Variants in ITPR2 observed in about 807,000 individuals in gnomAD.
ITPR2 encodes inositol 1,4,5-trisphosphate receptor type 2.
A neutral mutation model predicts 317.1 loss-of-function variants in ITPR2; 207 were observed. The ratio of observed to expected loss-of-function variants is 0.65; its 90% CI spans 0.58 to 0.73. The LOEUF (loss-of-function observed/expected upper bound fraction) is 0.73. Ranked by LOEUF, ITPR2 falls within the 30% of genes least tolerant of loss-of-function variation. The pLI is 0.00. For missense variants in ITPR2, 2,613 were observed against 3,284.0 expected, an observed-to-expected ratio of 0.80 and a Z score of 4.99; for synonymous variants, 1,156 against 1,149.1, an observed-to-expected ratio of 1.01 and a Z score of -0.12.
At chr12:26,684,180 A>T (rs1432390158) in intron 11 of ITPR2, among the ~76,000 whole-genome samples, 1 of 152,212 alleles carries the variant, frequency 6.6e-6, no homozygotes, top group African/African-American at 2.4e-5. Context: ...TACACAGGAG[A>T]TGTAATTTGT....
chr12:26,419,028 T>C (rs1340612228), intron 50 of ITPR2, 21 bp downstream of exon 50: 3 of 1,597,810 alleles, frequency 1.9e-6, no homozygotes, highest in East Asian at 2.2e-5. Context: ...GCAGTGATTG[T>C]CCACATAGAG....
At chr12:26,374,506 A>G (rs899545864) in intron 55 of ITPR2, among the ~76,000 whole-genome samples, 28 of 152,354 alleles carry the variant, frequency 1.8e-4, no homozygotes, top group African/African-American at 6.3e-4. Context: ...GACTTTGAAC[A>G]TTGAATGGTT....
chr12:26,515,995 G>A (rs1009283268), intron 37 of ITPR2, among the ~76,000 whole-genome samples: 1 of 150,700 alleles, frequency 6.6e-6, no homozygotes, highest in African/African-American at 2.4e-5. Flanking sequence ...GTGGTGTCAT[G>A]AGCATGTAAT....
intron 45 of ITPR2, among the ~76,000 whole-genome samples, chr12:26,472,167 G>A (rs1462677649): frequency 1.3e-5 from 2 of 152,166 alleles, no homozygotes; most frequent in African/African-American, 2.4e-5. Flanking sequence ...ATGACTCCTT[G>A]TGTCACTATA....
At chr12:26,564,788 G>C (rs1944904789) in intron 34 of ITPR2, among the ~76,000 whole-genome samples, 1 of 152,232 alleles carries the variant, frequency 6.6e-6, no homozygotes, top group Non-Finnish European at 1.5e-5. Flanking sequence ...CCTTCAGAGA[G>C]AGCATGGTAC....
intron 21 of ITPR2, among the ~76,000 whole-genome samples, chr12:26,639,915 G>A (rs1011849657): frequency 2.7e-4 from 41 of 152,060 alleles, no homozygotes; most frequent in Non-Finnish European, 4.9e-4. Context: ...ACTGTGAATA[G>A]TGCCACAATA....
intron 2 of ITPR2, among the ~76,000 whole-genome samples, chr12:26,783,451 C>T (rs1279779865): frequency 6.6e-6 from 1 of 152,114 alleles, no homozygotes; most frequent in Non-Finnish European, 1.5e-5. Flanking sequence ...TTTTATCACC[C>T]TGATGGTAAG....
intron 37 of ITPR2, among the ~76,000 whole-genome samples, chr12:26,512,571 C>T (rs889994950): frequency 5.9e-5 from 9 of 152,178 alleles, no homozygotes; most frequent in African/African-American, 2.2e-4. Flanking sequence ...GAAGCCCCTG[C>T]TTTGAGTTGT....
chr12:26,600,654 C>A (rs2136741579), intron 28 of ITPR2, among the ~76,000 whole-genome samples: 1 of 152,104 alleles, frequency 6.6e-6, no homozygotes. Flanking sequence ...TCTCATACAT[C>A]TTCCTTTCCT....
intron 52 of ITPR2, among the ~76,000 whole-genome samples, chr12:26,406,891 T>A (rs779247618): frequency 6.6e-5 from 10 of 152,180 alleles, no homozygotes; most frequent in Non-Finnish European, 1.5e-4. Context: ...AAAAAGTGTA[T>A]GGAAGAAACA....
intron 45 of ITPR2, among the ~76,000 whole-genome samples, chr12:26,452,954 T>C (rs1235094176): frequency 6.6e-6 from 1 of 152,154 alleles, no homozygotes; most frequent in Non-Finnish European, 1.5e-5. Flanking sequence ...CCCAGGAGGT[T>C]TGTATAATTA....
chr12:26,374,209 A>G (rs1939273407), intron 55 of ITPR2, among the ~76,000 whole-genome samples: 1 of 152,238 alleles, frequency 6.6e-6, no homozygotes, highest in African/African-American at 2.4e-5. Context: ...ACAAATGCCA[A>G]ACAGGTTTGT....
At chr12:26,411,542 G>A in intron 51 of ITPR2, 130 bp from the exon 52 acceptor site, 2 of 635,856 alleles carry the variant, frequency 3.1e-6, no homozygotes, top group South Asian at 2.1e-5. Flanking sequence ...TAAAGTCCTA[G>A]GAAGTTAGTA....
At chr12:26,394,457 C>T (rs894720981) in intron 54 of ITPR2, among the ~76,000 whole-genome samples, 6 of 152,060 alleles carry the variant, frequency 3.9e-5, no homozygotes, top group African/African-American at 1.2e-4. Flanking sequence ...AGTTCAACAG[C>T]GTAGGAATTG....
intron 2 of ITPR2, among the ~76,000 whole-genome samples, chr12:26,784,153 CAG>C (rs1158154194): frequency 1.3e-5 from 2 of 151,868 alleles, no homozygotes; most frequent in African/African-American, 2.4e-5. Context: ...ATGCAAATAA[CAG>C]GGGAAACAGA....
intron 2 of ITPR2, among the ~76,000 whole-genome samples, chr12:26,785,479 G>T (rs1950216462): frequency 2.6e-5 from 2 of 75,892 alleles, no homozygotes; most frequent in Admixed American, 2.2e-4. Flanking sequence ...GAGGTGAGGG[G>T]CGCCTCTGCC....
intron 55 of ITPR2, among the ~76,000 whole-genome samples, chr12:26,377,347 T>C (rs1939376432): frequency 6.6e-6 from 1 of 152,236 alleles, no homozygotes; most frequent in South Asian, 2.1e-4. Flanking sequence ...TCTGCATCTC[T>C]AAACCAAGCC....
chr12:26,542,557 GTGTC>G (rs1172647396), intron 37 of ITPR2, among the ~76,000 whole-genome samples: 1 of 152,220 alleles, frequency 6.6e-6, no homozygotes, highest in African/African-American at 2.4e-5. Flanking sequence ...ATTAGGAACA[GTGTC>G]TGACAGTACT....
chr12:26,539,441 T>A (rs1372686524), intron 37 of ITPR2, among the ~76,000 whole-genome samples: 1 of 152,166 alleles, frequency 6.6e-6, no homozygotes, highest in East Asian at 1.9e-4. Flanking sequence ...GTTCAAAGCC[T>A]ACATGGTTTT....
Sources: gnomAD v4.1 joint callset for allele counts (sites outside exome capture counted in the v4.1 genomes callset) on GRCh38, gnomAD v4.1.1 for gene constraint, MANE v1.5 for transcripts, NCBI Gene and HGNC (gene_info 2026-07-23, HGNC 2026-07-21) for gene names.